Variants in RNF150 observed in about 807,000 individuals in gnomAD.
RNF150 encodes the protein ring finger protein 150.
A neutral mutation model predicts 39.3 loss-of-function variants in RNF150; 24 were observed. The observed-to-expected ratio is 0.61, with a 90% CI of 0.44 to 0.86. The LOEUF (loss-of-function observed/expected upper bound fraction) is 0.86, where lower values mean the gene tolerates loss of function less well. Ranked by LOEUF, RNF150 falls within the 40% of genes least tolerant of loss-of-function variation. The pLI, the probability that RNF150 is intolerant of heterozygous loss-of-function variation, is 0.00. For missense variants in RNF150, 502 were observed against 587.8 expected (o/e 0.85, Z 1.51); for synonymous variants, 255 against 227.3 (o/e 1.12, Z -1.10).
At position 140,867,500 on chromosome 4, in the gene RNF150, C is replaced by G. The variant is rs1216520808; in HGVS notation, c.*761G>C. On this transcript the variant is annotated 3_prime_UTR_variant, in exon 7 of 7. Transcript: ENST00000515673. ...AATGAAACGGCTTCCCTAGAGCTCC[C>G]TTCTCATGTCACGTGGGCCCTTAAT... is the stretch of plus-strand genomic sequence containing the variant. 1 of 152,168 alleles carries G rather than the reference C, an allele frequency of 6.6e-6. No individual in the cohort carries two copies. The highest frequency in any genetic ancestry group is 6.5e-5 in the Admixed American group (1 of 15,276). The allele number at this position is 152,168 out of a possible 1,614,324, so 9.4% of individuals were successfully genotyped here. A position where few individuals can be genotyped will look rare whatever the true frequency, so the allele number is the denominator to read the frequency against.
At chr4:141,002,805 C>T (rs913766314) in intron 1 of RNF150, among the ~76,000 whole-genome samples, 16 of 152,244 alleles carry the variant, frequency 1.1e-4, no homozygotes, top group Middle Eastern at 3.4e-3. Context: ...ACCTGGGTAG[C>T]GCACATTCCC....
At chr4:140,891,386 C>T (rs559886449) in intron 6 of RNF150, among the ~76,000 whole-genome samples, 1 of 152,262 alleles carries the variant, frequency 6.6e-6, no homozygotes, top group Admixed American at 6.5e-5. Flanking sequence ...GTAGGTTTCA[C>T]GGTGCTCCAT....
At position 140,861,848 on chromosome 4, in the gene RNF150, TA is replaced by T. The variant is rs2111160784; in HGVS notation, c.*6412del. The T allele has an allele frequency of 6.6e-6, 1 of 152,340 alleles. No homozygotes were observed. Among genetic ancestry groups the T allele is most frequent in the East Asian group, 1.9e-4 (1 of 5,190 alleles). 9.4% of individuals were successfully genotyped at this position (152,340 alleles called of 1,614,324 possible). On this transcript the variant is annotated 3_prime_UTR_variant, in exon 7 of 7. Transcript: ENST00000515673. ...TTTGAAGGAAAAGGGGACTAAACAC[TA>T]GACTTTAAAGATGGTGTGGTACTAA... is the stretch of plus-strand genomic sequence containing the variant.
At chr4:141,166,012 C>T (rs1727596141) in intron 1 of RNF150, among the ~76,000 whole-genome samples, 1 of 152,032 alleles carries the variant, frequency 6.6e-6, no homozygotes, top group Non-Finnish European at 1.5e-5. Context: ...AATCCAGGAG[C>T]TAGTTTTTTG....
intron 6 of RNF150, among the ~76,000 whole-genome samples, chr4:140,881,715 A>C (rs754586789): frequency 5.3e-5 from 8 of 151,968 alleles, no homozygotes; most frequent in Non-Finnish European, 1.0e-4. Context: ...TCTCTATGAA[A>C]AACCAAACAA....
intron 6 of RNF150, among the ~76,000 whole-genome samples, chr4:140,906,482 A>G (rs1021583360): frequency 6.6e-6 from 1 of 152,218 alleles, no homozygotes; most frequent in Non-Finnish European, 1.5e-5. Flanking sequence ...AGATTTTGGT[A>G]TCTTTGGGGG....
chr4:141,082,821 C>T (rs371039395), intron 1 of RNF150, among the ~76,000 whole-genome samples: 2 of 152,070 alleles, frequency 1.3e-5, no homozygotes, highest in Admixed American at 6.6e-5. Flanking sequence ...ATCTCCTGAC[C>T]TCGTGATCCG....
intron 1 of RNF150, among the ~76,000 whole-genome samples, chr4:141,140,563 G>T (rs895672584): frequency 6.6e-6 from 1 of 150,942 alleles, no homozygotes; most frequent in Non-Finnish European, 1.5e-5. Flanking sequence ...ACTTTTCATT[G>T]AGTACATTTT....
intron 6 of RNF150, among the ~76,000 whole-genome samples, chr4:140,892,521 C>A (rs1039504210): frequency 6.6e-6 from 1 of 152,192 alleles, no homozygotes; most frequent in Non-Finnish European, 1.5e-5. Flanking sequence ...GAACTGTACA[C>A]AAATATTGGG....
chr4:141,152,148 T>C (rs908935804), intron 1 of RNF150, among the ~76,000 whole-genome samples: 2 of 152,156 alleles, frequency 1.3e-5, no homozygotes, highest in Admixed American at 6.5e-5. Context: ...ATATGAACGA[T>C]TGAGCTGTGA....
chr4:140,901,681 A>C (rs1473846837), intron 6 of RNF150, among the ~76,000 whole-genome samples: 1 of 152,250 alleles, frequency 6.6e-6, no homozygotes, highest in Non-Finnish European at 1.5e-5. Flanking sequence ...AAAGTCACAC[A>C]GTCCAAGCCT....
At chr4:140,941,379 A>G (rs920771898) in intron 4 of RNF150, among the ~76,000 whole-genome samples, 1 of 152,238 alleles carries the variant, frequency 6.6e-6, no homozygotes, top group African/African-American at 2.4e-5. Context: ...AACAATGGCA[A>G]TTGCACCAGC....
intron 1 of RNF150, among the ~76,000 whole-genome samples, chr4:141,118,883 C>A (rs1726516704): frequency 6.6e-6 from 1 of 152,128 alleles, no homozygotes; most frequent in Non-Finnish European, 1.5e-5. Context: ...GCCTCAGCCT[C>A]CCGGGTAGCT....
intron 6 of RNF150, among the ~76,000 whole-genome samples, chr4:140,873,672 A>G (rs966019822): frequency 6.6e-6 from 1 of 152,096 alleles, no homozygotes; most frequent in Non-Finnish European, 1.5e-5. Flanking sequence ...AGCAGAAAAT[A>G]CTGTATTTTA....
intron 1 of RNF150, among the ~76,000 whole-genome samples, chr4:141,021,973 A>G (rs1353401942): frequency 2.6e-5 from 4 of 152,214 alleles, no homozygotes; most frequent in African/African-American, 9.6e-5. Context: ...ACCAATGTAC[A>G]TAGGAGAATC....
Position 141,132,218 on chromosome 4 carries a change from C to T in RNF150, c.484+107G>A. On this transcript the variant is annotated intron_variant, in intron 1 of 6. Transcript: ENST00000515673. This position sits in a 1 kb window ranked among gnomAD's most constrained non-coding sequence, Gnocchi z 4.9. ...GGTCCAGGGAACCCAGACACGTCTT[C>T]CGCGCCGCACGGACTTCCCAGAAGG... is the stretch of plus-strand genomic sequence containing the variant. 8.3e-7 allele frequency: 1 copy of T among 1,210,508 alleles called. No individual in the cohort carries two copies. The highest frequency in any genetic ancestry group is 2.5e-5 in the Admixed American group (1 of 40,722). The allele number at this position is 1,210,508 out of a possible 1,614,324, so 75.0% of individuals were successfully genotyped here. A position where few individuals can be genotyped will look rare whatever the true frequency, so the allele number is the denominator to read the frequency against.
In RNF150 at chr4:141,132,989, C is replaced by T; in HGVS notation, c.-181G>A. ...GACCGGATTCCGGGCGAGCGGATGG[C>T]GCTGGCCCCTTCCCCTCTCAGCTGT... On this transcript the variant is annotated 5_prime_UTR_variant, in exon 1 of 7. Transcript: ENST00000515673. The surrounding 1 kb of genome is among the most constrained non-coding windows in gnomAD (Gnocchi z 4.9). 3.6e-6 allele frequency: 2 copies of T among 552,926 alleles called. No individual in the cohort carries two copies. Among genetic ancestry groups the T allele is most frequent in the South Asian group, 4.4e-5 (2 of 45,110 alleles). 34.3% of individuals were successfully genotyped at this position (552,926 alleles called of 1,614,324 possible). A position where few individuals can be genotyped will look rare whatever the true frequency, so the allele number is the denominator to read the frequency against.
intron 1 of RNF150, among the ~76,000 whole-genome samples, chr4:141,177,941 A>T (rs555124100): frequency 6.6e-6 from 1 of 152,292 alleles, no homozygotes; most frequent in East Asian, 1.9e-4. Context: ...CAAATATGGT[A>T]ATTAAGGTTT....
intron 4 of RNF150, among the ~76,000 whole-genome samples, chr4:140,942,448 T>A (rs1487115432): frequency 6.6e-6 from 1 of 152,160 alleles, no homozygotes; most frequent in Non-Finnish European, 1.5e-5. Context: ...TTAGGATAGG[T>A]GTTGTTAGGT....
Sources: gnomAD v4.1 joint callset for allele counts (sites outside exome capture counted in the v4.1 genomes callset) on GRCh38, gnomAD v4.1.1 for gene constraint, Gnocchi (gnomAD v3.1) non-coding constraint, MANE v1.5 for transcripts, NCBI Gene and HGNC (gene_info 2026-07-23, HGNC 2026-07-21) for gene names.